The following RNF41 variants were observed in gnomAD, a reference collection of about 807,000 sequenced individuals.
RNF41 encodes ring finger protein 41.
RNF41 carries 4 observed loss-of-function variants against 33.0 expected under a neutral mutation model. The observed-to-expected ratio is 0.12, with a 90% CI of 0.06 to 0.28. The LOEUF (loss-of-function observed/expected upper bound fraction) is 0.28, where lower values mean the gene tolerates loss of function less well. Ranked by LOEUF, RNF41 falls within the 10% of genes least tolerant of loss-of-function variation. The pLI is 1.00. For missense variants in RNF41, 228 were observed against 432.6 expected, an observed-to-expected ratio of 0.53 and a Z score of 4.19; for synonymous variants, 164 against 153.2, an observed-to-expected ratio of 1.07 and a Z score of -0.52.
In RNF41 at chr12:56,203,909, G is replaced by A. The variant is rs1238217638; in HGVS notation, c.*2538C>T. The A allele has an allele frequency of 6.7e-6, 1 of 149,090 alleles. No individual in the cohort carries two copies. The highest frequency in any genetic ancestry group is 1.5e-5 in the Non-Finnish European group (1 of 67,532). The allele number at this position is 149,090 out of a possible 1,614,324, so 9.2% of individuals were successfully genotyped here. On this transcript the variant is annotated 3_prime_UTR_variant, in exon 7 of 7. Transcript: ENST00000345093. Reference sequence around the variant, plus strand: ...TTTAGTAGAGACGGGGTTTCACTGTGTTAGCCAGGATGGTCTCGAACTCCT... The same window carrying A: ...TTTAGTAGAGACGGGGTTTCACTGTATTAGCCAGGATGGTCTCGAACTCCT...
chr12:56,207,327 A>C (rs1466676722), intron 6 of RNF41: 1 of 1,310,948 alleles, frequency 7.6e-7, no homozygotes, highest in Non-Finnish European at 1.0e-6. Flanking sequence ...ACAGGACGAT[A>C]TCTTCTATTT....
rs759089765 is a variant in RNF41 at position 56,207,720 on chromosome 12, G to A, written c.528C>T (p.Tyr176=). ...GGTTGACACTGCGGATTGCACGCAT[G>A]TATGCCTTTAGCAGCTGGATGTCTC... ...QKRDIQLLKA[Y]MRAIRSVNPN... Residue 176 remains tyrosine, a synonymous_variant, in exon 6 of 7, where the codon TAC becomes TAT. Coordinates refer to ENST00000345093, the MANE Select transcript of RNF41 (RefSeq NM_005785.4). 1 of 1,614,142 alleles carries A rather than the reference G, an allele frequency of 6.2e-7. No homozygotes were observed. Among genetic ancestry groups the A allele is most frequent in the Non-Finnish European group, 8.5e-7 (1 of 1,179,952 alleles).
At chr12:56,216,670 A>C (rs541285317) in intron 1 of RNF41, 57 bp from the exon 2 acceptor site, 1 of 152,498 alleles carries the variant, frequency 6.6e-6, no homozygotes, top group East Asian at 1.9e-4. Context: ...TCCACTTGGC[A>C]AGGAGACTGG....
Position 56,206,119 on chromosome 12 carries a change from CCAG to C in RNF41, c.*325_*327del, listed in dbSNP as rs1344006118. 3.6e-6 allele frequency: 1 copy of C among 279,844 alleles called. No individual in the cohort carries two copies. Among genetic ancestry groups the C allele is most frequent in the South Asian group, 5.4e-5 (1 of 18,640 alleles). 17.3% of individuals were successfully genotyped at this position (279,844 alleles called of 1,614,324 possible). A position where few individuals can be genotyped will look rare whatever the true frequency, so the allele number is the denominator to read the frequency against. The stretch of plus-strand genomic sequence containing the variant: ...AGATTCCTTCCTCTGTCCTGATCCT[CCAG>C]GGAAATTGAATCTCTTTGTGCTTTC... On this transcript the variant is annotated 3_prime_UTR_variant, in exon 7 of 7. Coordinates refer to ENST00000345093, the MANE Select transcript of RNF41 (RefSeq NM_005785.4). The surrounding 1 kb of genome is among the most constrained non-coding windows in gnomAD (Gnocchi z 5.7).
At chr12:56,217,552 A>G (rs1868999330) in intron 1 of RNF41, among the ~76,000 whole-genome samples, 1 of 152,046 alleles carries the variant, frequency 6.6e-6, no homozygotes. Flanking sequence ...TGACTCAAAA[A>G]AAAAGCAAAA....
At chr12:56,217,285 G>T (rs184150135) in intron 1 of RNF41, among the ~76,000 whole-genome samples, 3 of 151,946 alleles carry the variant, frequency 2.0e-5, no homozygotes, top group African/African-American at 7.3e-5. Context: ...GATGGCTCAC[G>T]CCTGTGATCC....
Position 56,217,741 on chromosome 12 carries a change from G to A in RNF41, c.-208-1128C>T, listed in dbSNP as rs557316721. On this transcript the variant is annotated intron_variant, in intron 1 of 6. Coordinates refer to ENST00000345093, the MANE Select transcript of RNF41 (RefSeq NM_005785.4). ...CTCCATGTCCTGTCAGATCAGCAGC[G>A]GCATTTGATTCTCATTGGAGCATGA... Among the ~76,000 whole-genome samples, 5 of 152,148 alleles carry A rather than the reference G, an allele frequency of 3.3e-5. No homozygotes were observed. In the East Asian group the frequency reaches 5.8e-4, roughly 18 times the overall value.
At chr12:56,216,911 C>T (rs548000748) in intron 1 of RNF41, among the ~76,000 whole-genome samples, 9 of 152,142 alleles carry the variant, frequency 5.9e-5, no homozygotes, top group East Asian at 1.9e-4. Context: ...GAGGCCAAGG[C>T]GGGTGGATCA....
In RNF41 at chr12:56,203,059, GC is replaced by G. The variant is rs1172983503; in HGVS notation, c.*3387del. The G allele has an allele frequency of 4.7e-5, 3 of 63,306 alleles. No individual in the cohort carries two copies. Among genetic ancestry groups the G allele is most frequent in the Non-Finnish European group, 7.0e-5 (2 of 28,596 alleles). 3.9% of individuals were successfully genotyped at this position (63,306 alleles called of 1,614,324 possible). ...AGAAGCGCAGACTCAGCACAGAAAT[GC>G]CTTTTTTTTTTTTTTCAAGCCACTA... On this transcript the variant is annotated 3_prime_UTR_variant, in exon 7 of 7. Coordinates refer to ENST00000345093, the MANE Select transcript of RNF41 (RefSeq NM_005785.4).
intron 1 of RNF41, among the ~76,000 whole-genome samples, 162 bp from the exon 2 acceptor site, chr12:56,216,775 G>T (rs1465336936): frequency 6.6e-6 from 1 of 152,194 alleles, no homozygotes. Flanking sequence ...CTTCTAAGGA[G>T]GGAGCTCACC....
chr12:56,207,775 T>A (rs1224192843), intron 5 of RNF41, 26 bp from the exon 6 acceptor site: 1 of 1,570,264 alleles, frequency 6.4e-7, no homozygotes, highest in Admixed American at 1.7e-5. Flanking sequence ...AGAACAGGAA[T>A]AATGGTTAAG....
intron 1 of RNF41, among the ~76,000 whole-genome samples, chr12:56,218,746 C>T (rs1434155932): frequency 6.6e-6 from 1 of 150,636 alleles, no homozygotes; most frequent in Non-Finnish European, 1.5e-5. Flanking sequence ...GCTCTGTCGC[C>T]AGGCTGGAGT....
intron 1 of RNF41, chr12:56,221,479 T>G (rs2629450): frequency 0.85 from 128,906 of 152,354 alleles, 56,834 homozygotes; most frequent in East Asian, 1. Context: ...GTTCCCCCAG[T>G]TCTGCAGGTG....
Position 56,207,613 on chromosome 12 carries a change from ATGAAATCACTCCACGTCCTGAG to A in RNF41, c.602+11_602+32del. On this transcript the variant is annotated intron_variant, in intron 6 of 6. Transcript: ENST00000345093. The stretch of plus-strand genomic sequence containing the variant: ...TCCTTTCAGGCCTTGTTGTCAGGAC[ATGAAATCACTCCACGTCCTGAG>A]TGACACTCACTCTAGGATCTCGTTG... 1 of 1,475,640 alleles carries A rather than the reference ATGAAATCACTCCACGTCCTGAG, an allele frequency of 6.8e-7. No individual in the cohort carries two copies. Among genetic ancestry groups the A allele is most frequent in the Non-Finnish European group, 9.5e-7 (1 of 1,053,540 alleles). The allele number at this position is 1,475,640 out of a possible 1,614,324, so 91.4% of individuals were successfully genotyped here.
intron 3 of RNF41, among the ~76,000 whole-genome samples, chr12:56,212,699 A>T (rs1421657611): frequency 6.6e-6 from 1 of 152,106 alleles, no homozygotes; most frequent in East Asian, 1.9e-4. Flanking sequence ...GTTGGTTGCC[A>T]TTGGAATGCA....
rs187002763 is a variant in RNF41, at chr12:56,213,176, A to G, written c.90+782T>C. ...TCCCAGGAAAAAAATAGGTCAGTACATACAGTTCCCCACTTCCTATTTGTT... is the reference window on the plus strand; with the variant it reads ...TCCCAGGAAAAAAATAGGTCAGTACGTACAGTTCCCCACTTCCTATTTGTT... On this transcript the variant is annotated intron_variant, in intron 3 of 6. Transcript: ENST00000345093. The G allele has an allele frequency of 2.6e-5, 32 of 1,237,000 alleles. No homozygotes were observed. In the East Asian group the frequency reaches 1.7e-3, roughly 65 times the overall value. 76.6% of individuals were successfully genotyped at this position (1,237,000 alleles called of 1,614,324 possible).
At chr12:56,216,004 C>T (rs1868861753) in intron 2 of RNF41, among the ~76,000 whole-genome samples, 1 of 151,866 alleles carries the variant, frequency 6.6e-6, no homozygotes, top group Non-Finnish European at 1.5e-5. Context: ...CACCTGTAAT[C>T]CTAGCTACTT....
At chr12:56,214,587 G>C (rs1385284344) in intron 2 of RNF41, among the ~76,000 whole-genome samples, 3 of 151,654 alleles carry the variant, frequency 2.0e-5, no homozygotes, top group Non-Finnish European at 4.4e-5. Flanking sequence ...CCAGCACTTT[G>C]GGAGGCCGGG....
At chr12:56,207,188 T>A (rs1868285898) in intron 6 of RNF41, 1 of 1,329,310 alleles carries the variant, frequency 7.5e-7, no homozygotes, top group African/African-American at 1.5e-5. Flanking sequence ...ATGAACTGTA[T>A]AGGACTCCAG....
Sources: allele counts gnomAD v4.1 joint callset (sites outside exome capture counted in the v4.1 genomes callset), GRCh38; gene constraint gnomAD v4.1.1; non-coding constraint Gnocchi (gnomAD v3.1); transcripts MANE v1.5; gene names NCBI Gene and HGNC (gene_info 2026-07-23, HGNC 2026-07-21).